The following PROCR variants were observed in gnomAD, a reference collection of about 807,000 sequenced individuals.
PROCR encodes protein C receptor.
In PROCR, 22 loss-of-function variants were observed where a neutral mutation model predicts 24.2. The observed-to-expected ratio is 0.91, with a 90% CI of 0.65 to 1.30. The LOEUF (loss-of-function observed/expected upper bound fraction) is 1.30, where lower values mean the gene tolerates loss of function less well. PROCR is among the 50% of genes most tolerant of loss of function. PROCR has a pLI of 0.00. For missense variants in PROCR, 288 were observed against 307.7 expected (o/e 0.94, Z 0.48); for synonymous variants, 137 against 139.2 (o/e 0.98, Z 0.11).
chr20:35,179,757 T>G (rs560157769), downstream of PROCR, among the ~76,000 whole-genome samples: 1 of 152,174 alleles, frequency 6.6e-6, no homozygotes, highest in Non-Finnish European at 1.5e-5. Context: ...AGAATAACCA[T>G]CAAATCATGT....
At chr20:35,182,952 C>T (rs1490939036) in intron 1 of PROCR, among the ~76,000 whole-genome samples, 2 of 132,406 alleles carry the variant, frequency 1.5e-5, no homozygotes, top group Non-Finnish European at 3.1e-5. Context: ...CCAGCCTGGG[C>T]GACAGAGCGA....
chr20:35,172,342 G>T (rs1317642202), intron 1 of PROCR, 118 bp downstream of exon 1: 10 of 1,294,532 alleles, frequency 7.7e-6, no homozygotes, highest in Non-Finnish European at 8.9e-6. Context: ...CAGCTGGCTA[G>T]ATCTCTCTAC....
intron 1 of PROCR, among the ~76,000 whole-genome samples, chr20:35,205,751 A>G (rs1443647113): frequency 1.4e-5 from 1 of 73,124 alleles, no homozygotes; most frequent in African/African-American, 5.1e-5. Context: ...AACTCTGTCT[A>G]AATATATATA....
At chr20:35,199,692 G>T (rs2146171386) in intron 1 of PROCR, among the ~76,000 whole-genome samples, 1 of 150,562 alleles carries the variant, frequency 6.6e-6, no homozygotes, top group South Asian at 2.1e-4. Flanking sequence ...AGGTTGCAGT[G>T]AGCCAAGATC....
At chr20:35,206,490 A>C (rs2060343301) in intron 1 of PROCR, among the ~76,000 whole-genome samples, 1 of 151,340 alleles carries the variant, frequency 6.6e-6, no homozygotes, top group Admixed American at 6.6e-5. Context: ...AAAAAAAAAA[A>C]AAAAAAACTC....
chr20:35,176,938 T>C lies in PROCR; in HGVS notation c.*125T>C, dbSNP rs2086026756. ...AGGTTTGGAGTGACAGCTCCTTTCT[T>C]CTCCCACATCTGCCCACTGAAGATT... On this transcript the variant is annotated 3_prime_UTR_variant, in exon 4 of 4. Coordinates refer to ENST00000216968, the MANE Select transcript of PROCR (RefSeq NM_006404.5). The C allele has an allele frequency of 1.3e-6, 2 of 1,526,960 alleles. No individual in the cohort carries two copies. The highest frequency in any genetic ancestry group is 4.0e-5 in the Admixed American group (2 of 50,184). 94.6% of individuals were successfully genotyped at this position (1,526,960 alleles called of 1,614,324 possible).
intron 1 of PROCR, among the ~76,000 whole-genome samples, chr20:35,213,632 CA>C (rs1296117406): frequency 2.0e-5 from 3 of 151,982 alleles, no homozygotes; most frequent in African/African-American, 7.3e-5. Flanking sequence ...GAGACTATTA[CA>C]CTTATTTTTT....
chr20:35,183,264 G>C (rs1410937504), intron 1 of PROCR, among the ~76,000 whole-genome samples: 1 of 152,186 alleles, frequency 6.6e-6, no homozygotes, highest in Non-Finnish European at 1.5e-5. Flanking sequence ...CATAATGGGA[G>C]GTGTTTGGGT....
At chr20:35,173,435 T>C (rs2085971158) in intron 1 of PROCR, among the ~76,000 whole-genome samples, 2 of 142,586 alleles carry the variant, frequency 1.4e-5, no homozygotes, top group African/African-American at 5.1e-5. Flanking sequence ...TTTTTTTTTT[T>C]TTTTTTTTTT....
At chr20:35,184,544 C>T (rs1279719022) in intron 1 of PROCR, among the ~76,000 whole-genome samples, 1 of 151,618 alleles carries the variant, frequency 6.6e-6, no homozygotes, top group Non-Finnish European at 1.5e-5. Flanking sequence ...ACTAAAAATA[C>T]AAAAAATTAG....
chr20:35,182,996 AAAAG>A (rs2086091876), intron 1 of PROCR, among the ~76,000 whole-genome samples: 1 of 151,222 alleles, frequency 6.6e-6, no homozygotes, highest in East Asian at 1.9e-4. Flanking sequence ...AAAAAAAAAA[AAAAG>A]GAAAGAAAGA....
intron 1 of PROCR, among the ~76,000 whole-genome samples, chr20:35,198,381 T>A (rs2060306507): frequency 6.6e-6 from 1 of 151,802 alleles, no homozygotes. Flanking sequence ...GTTGTAGAGG[T>A]CTGGATAGAA....
downstream of PROCR, among the ~76,000 whole-genome samples, chr20:35,178,507 G>GTTTTGTTTTTTTTTTT (rs1272557859): frequency 1.3e-3 from 44 of 34,376 alleles, 14 homozygotes; most frequent in African/African-American, 3.8e-3. Flanking sequence ...TCAAGTCTCA[G>GTTTTGTTTTTTTTTTT]TTTTTTTTTT....
At chr20:35,211,330 A>C (rs1600757635) in intron 1 of PROCR, among the ~76,000 whole-genome samples, 1 of 152,212 alleles carries the variant, frequency 6.6e-6, no homozygotes, top group African/African-American at 2.4e-5. Flanking sequence ...GAAAGGTATA[A>C]GGAGATTCAG....
intron 1 of PROCR, among the ~76,000 whole-genome samples, chr20:35,189,528 GC>G (rs764194856): frequency 9.2e-5 from 14 of 152,068 alleles, no homozygotes; most frequent in Non-Finnish European, 1.6e-4. Context: ...CTGACCTTCT[GC>G]CTTGTGATCT....
intron 1 of PROCR, among the ~76,000 whole-genome samples, chr20:35,173,885 A>G (rs1400487027): frequency 9.8e-5 from 15 of 152,322 alleles, no homozygotes; most frequent in Admixed American, 9.2e-4. Context: ...AAAAGGCAGC[A>G]GGGGCCAGGT....
At chr20:35,203,858 C>G (rs2060328198) in intron 1 of PROCR, among the ~76,000 whole-genome samples, 1 of 151,880 alleles carries the variant, frequency 6.6e-6, no homozygotes, top group South Asian at 2.1e-4. Context: ...AAATCATACT[C>G]TAAGCTTCTA....
In PROCR at chr20:35,172,137, C is replaced by T. The variant is rs781501898; in HGVS notation, c.-18C>T. 29 of 1,614,066 alleles carry T rather than the reference C, an allele frequency of 1.8e-5. No homozygotes were observed. The highest frequency in any genetic ancestry group is 2.4e-5 in the Non-Finnish European group (28 of 1,179,962). The stretch of plus-strand genomic sequence containing the variant: ...CCGGCCCGAGCCAGGAACCCAGGTC[C>T]GGAGCCTCAACTTCAGGATGTTGAC... On this transcript the variant is annotated 5_prime_UTR_variant, in exon 1 of 4. Transcript: ENST00000216968.
At chr20:35,195,831 AAAAAAAG>A (rs1174548483) in intron 1 of PROCR, among the ~76,000 whole-genome samples, 26 of 151,264 alleles carry the variant, frequency 1.7e-4, no homozygotes, top group African/African-American at 6.3e-4. Context: ...AAAAAAAAAA[AAAAAAAG>A]AAAAAGAAAA....
Sources: gnomAD v4.1 joint callset for allele counts (sites outside exome capture counted in the v4.1 genomes callset) on GRCh38, gnomAD v4.1.1 for gene constraint, MANE v1.5 for transcripts, NCBI Gene and HGNC (gene_info 2026-07-23, HGNC 2026-07-21) for gene names.